The following EXT1 variants were observed in gnomAD, a reference collection of about 807,000 sequenced individuals.
EXT1 encodes exostosin glycosyltransferase 1.
A neutral mutation model predicts 82.5 loss-of-function variants in EXT1; 20 were observed. The observed-to-expected ratio is 0.24, with a 90% confidence interval of 0.17 to 0.35. The LOEUF (loss-of-function observed/expected upper bound fraction) is 0.35. Among genes scored for constraint, EXT1 ranks in the 10% least tolerant of loss-of-function variants. The pLI, the probability that EXT1 is intolerant of heterozygous loss-of-function variation, is 1.00. For missense variants in EXT1, 757 were observed against 936.5 expected (o/e 0.81, Z 2.50); for synonymous variants, 348 against 350.8 (o/e 0.99, Z 0.09).
intron 1 of EXT1, among the ~76,000 whole-genome samples, chr8:117,927,940 C>T (rs1389032587): frequency 2.0e-5 from 3 of 152,196 alleles, no homozygotes; most frequent in Non-Finnish European, 2.9e-5. Flanking sequence ...TTAGGAACAC[C>T]TTCTTTTCAT....
intron 1 of EXT1, among the ~76,000 whole-genome samples, chr8:117,973,975 A>G (rs1330289890): frequency 6.6e-6 from 1 of 151,034 alleles, no homozygotes; most frequent in Non-Finnish European, 1.5e-5. Flanking sequence ...GGAAGGAAGG[A>G]AGGAAGGAAG....
chr8:118,069,417 C>A (rs1817048047), intron 1 of EXT1, among the ~76,000 whole-genome samples: 1 of 152,144 alleles, frequency 6.6e-6, no homozygotes, highest in South Asian at 2.1e-4. Flanking sequence ...CCATTTCCTC[C>A]TCCCTGGGCT....
chr8:117,884,636 GC>G (rs1813116800), intron 1 of EXT1, among the ~76,000 whole-genome samples: 1 of 151,994 alleles, frequency 6.6e-6, no homozygotes, highest in Non-Finnish European at 1.5e-5. Context: ...CTAGAAAAAA[GC>G]CCCCCGCCCC....
intron 1 of EXT1, among the ~76,000 whole-genome samples, chr8:118,050,765 T>C (rs1366336205): frequency 6.6e-6 from 1 of 152,208 alleles, no homozygotes; most frequent in African/African-American, 2.4e-5. Flanking sequence ...AAGCCATTCT[T>C]AGCCCACAGA....
rs17503264 is a variant in EXT1 at position 117,820,103 on chromosome 8, A to G, written c.1418-309T>C. 8.6e-3 allele frequency among the ~76,000 whole-genome samples: 1,305 copies of G among 152,266 alleles called. 18 individuals carry two copies. Among genetic ancestry groups the G allele is most frequent in the African/African-American group, 0.03 (1,245 of 41,526 alleles). On this transcript the variant is annotated intron_variant, in intron 5 of 10. Transcript: ENST00000378204. ...CTTTTTAGGTACCCAGTGTCCAAAT[A>G]CACACAACACTCACCACCCTTCATG...
chr8:118,078,752 T>C lies in EXT1; in HGVS notation c.962+31333A>G, dbSNP rs565592247. Among the ~76,000 whole-genome samples, 204 of 152,148 alleles carry C rather than the reference T, an allele frequency of 1.3e-3. 2 individuals are homozygous for C. The highest frequency in any genetic ancestry group is 4.9e-3 in the African/African-American group (203 of 41,498). On this transcript the variant is annotated intron_variant, in intron 1 of 10. Transcript: ENST00000378204. ...TTCATAAATAGGGAAATATGAGTCA[T>C]AGATGTGTTTAGTTAAAAAAGATTA...
intron 1 of EXT1, among the ~76,000 whole-genome samples, chr8:117,982,684 C>T (rs1189363186): frequency 1.3e-5 from 2 of 151,954 alleles, no homozygotes; most frequent in South Asian, 2.1e-4. Context: ...TTGGTGGAGA[C>T]GGGGTTTCAC....
chr8:117,854,601 T>C (rs568719892), intron 1 of EXT1, among the ~76,000 whole-genome samples: 2 of 152,348 alleles, frequency 1.3e-5, no homozygotes, highest in Admixed American at 1.3e-4. Flanking sequence ...AACATGTTTA[T>C]AAAATAATAC....
chr8:118,101,941 T>C (rs1440773330), intron 1 of EXT1, among the ~76,000 whole-genome samples: 14 of 151,526 alleles, frequency 9.2e-5, no homozygotes, highest in Non-Finnish European at 1.8e-4. Context: ...TACAGACTAT[T>C]TCTAATGAGG....
intron 1 of EXT1, among the ~76,000 whole-genome samples, chr8:117,938,140 C>A (rs949208845): frequency 2.0e-5 from 3 of 152,172 alleles, no homozygotes; most frequent in Non-Finnish European, 4.4e-5. Context: ...TATGATAGCC[C>A]TTGTCTAGCC....
intron 4 of EXT1, among the ~76,000 whole-genome samples, chr8:117,829,999 A>G (rs1428086384): frequency 1.3e-5 from 2 of 152,232 alleles, no homozygotes; most frequent in African/African-American, 2.4e-5. Context: ...CTCTGTGTCA[A>G]TAAGTATAAT....
chr8:117,998,003 CATTTT>C (rs1351691833), intron 1 of EXT1, among the ~76,000 whole-genome samples: 1 of 142,758 alleles, frequency 7.0e-6, no homozygotes, highest in Non-Finnish European at 1.5e-5. Context: ...AGAAATTCTG[CATTTT>C]ATTTTACTTT....
Position 117,812,914 on chromosome 8 carries a change from G to A in EXT1, c.1680C>T (p.Ala560=), listed in dbSNP as rs540101738. 5.0e-5 allele frequency: 80 copies of A among 1,614,018 alleles called. 1 individual carries two copies. In the South Asian group the frequency reaches 8.0e-4, roughly 16 times the overall value. The change falls in exon 8 of 11, where the codon GCC becomes GCT. Residue 560 remains alanine, a synonymous_variant. Coordinates refer to ENST00000378204, the MANE Select transcript of EXT1 (RefSeq NM_000127.3). ...FLPYDNIITD[A]VLSLDEDTVL... is the part of the protein sequence containing the mutation. ...CCGTGTCCTCGTCAAGGCTGAGCACGGCGTCTGTGATGATGTTGTCGTAGG... is the reference window on the plus strand; with the variant it reads ...CCGTGTCCTCGTCAAGGCTGAGCACAGCGTCTGTGATGATGTTGTCGTAGG...
chr8:118,035,844 C>T (rs977117227), intron 1 of EXT1, among the ~76,000 whole-genome samples: 1 of 152,190 alleles, frequency 6.6e-6, no homozygotes, highest in Non-Finnish European at 1.5e-5. Flanking sequence ...ATGATAGCTC[C>T]TTTATGAGTT....
At chr8:117,920,785 T>C (rs917334878) in intron 1 of EXT1, among the ~76,000 whole-genome samples, 6 of 152,130 alleles carry the variant, frequency 3.9e-5, no homozygotes, top group African/African-American at 1.4e-4. Context: ...TAGCCACAAT[T>C]GTGCTGGGTG....
At chr8:117,869,080 C>T (rs1431558611) in intron 1 of EXT1, among the ~76,000 whole-genome samples, 2 of 152,166 alleles carry the variant, frequency 1.3e-5, no homozygotes, top group Non-Finnish European at 2.9e-5. Flanking sequence ...GCGGGCTGGA[C>T]TTCCCGCCAG....
intron 1 of EXT1, among the ~76,000 whole-genome samples, chr8:117,982,474 T>C (rs991598326): frequency 6.6e-6 from 1 of 152,086 alleles, no homozygotes; most frequent in African/African-American, 2.4e-5. Context: ...TAAGGCCAAC[T>C]ATTTAGGGCT....
At chr8:117,949,348 T>A (rs1490601506) in intron 1 of EXT1, among the ~76,000 whole-genome samples, 1 of 152,024 alleles carries the variant, frequency 6.6e-6, no homozygotes, top group Non-Finnish European at 1.5e-5. Flanking sequence ...TAAGCCTACA[T>A]ACTTATGGCT....
In EXT1 at chr8:117,925,732, G is replaced by GA. The variant is rs1282993640; in HGVS notation, c.963-88532dup. 3.7e-3 allele frequency among the ~76,000 whole-genome samples: 498 copies of GA among 134,954 alleles called. 4 individuals are homozygous for GA. The highest frequency in any genetic ancestry group is 0.021 in the East Asian group (98 of 4,590). 88.5% of individuals were successfully genotyped at this position (134,954 alleles called of 152,430 possible). ...AAAAAAAAAAAAAAAAAGAAAGAAA[G>GA]AAAAAAAAAAAGAAAATTAGCCATG... On this transcript the variant is annotated intron_variant, in intron 1 of 10. Transcript: ENST00000378204.
Sources: allele counts gnomAD v4.1 joint callset (sites outside exome capture counted in the v4.1 genomes callset), GRCh38; gene constraint gnomAD v4.1.1; transcripts MANE v1.5; gene names NCBI Gene and HGNC (gene_info 2026-07-23, HGNC 2026-07-21).